ENOX1: variants seen among roughly 807,000 people sequenced by gnomAD.
ENOX1 encodes the protein candidate growth-related and time keeping constitutive hydroquinone (NADH) oxidase.
ENOX1 carries 42 observed loss-of-function variants against 82.5 expected under a neutral mutation model. That is an observed-to-expected ratio of 0.51 (90% confidence interval 0.40 to 0.66). The LOEUF (loss-of-function observed/expected upper bound fraction) is 0.66, where lower values mean the gene tolerates loss of function less well. Among genes scored for constraint, ENOX1 ranks in the 30% least tolerant of loss-of-function variants. The pLI, the probability that ENOX1 is intolerant of heterozygous loss-of-function variation, is 0.00. For synonymous variants in ENOX1, 271 were observed against 282.2 expected, an observed-to-expected ratio of 0.96 and a Z score of 0.40; for missense variants, 608 against 811.6, an observed-to-expected ratio of 0.75 and a Z score of 3.05.
chr13:43,514,532 G>A (rs73182306), intron 2 of ENOX1, among the ~76,000 whole-genome samples: 146 of 152,186 alleles, frequency 9.6e-4, no homozygotes, highest in Non-Finnish European at 1.7e-3. Flanking sequence ...GAATGATGAA[G>A]ATGCTTGGCC....
At chr13:43,451,656 T>C (rs1434416412) in intron 3 of ENOX1, among the ~76,000 whole-genome samples, 1 of 152,248 alleles carries the variant, frequency 6.6e-6, no homozygotes, top group Admixed American at 6.5e-5. Context: ...TACATGTACA[T>C]GGTAAGATAT....
Position 43,365,760 on chromosome 13 carries a change from C to T in ENOX1, c.209-4308G>A, listed in dbSNP as rs924787412. On this transcript the variant is annotated intron_variant, in intron 5 of 16. Transcript: ENST00000690772. ...ATCAGATACGGAGCACAGGTCACAG[C>T]CTGACCAGCATAAAGCCTGCTTGGA... Among the ~76,000 whole-genome samples the T allele has an allele frequency of 2.0e-5, 3 of 152,198 alleles. No individual in the cohort carries two copies. The South Asian group carries it at 6.2e-4, about 32-fold the overall frequency.
intron 3 of ENOX1, among the ~76,000 whole-genome samples, chr13:43,477,922 AT>A (rs2058352588): frequency 6.6e-6 from 1 of 152,100 alleles, no homozygotes; most frequent in Non-Finnish European, 1.5e-5. Flanking sequence ...GCCAATAAAC[AT>A]TTTCAAACAT....
chr13:43,234,660 C>T (rs1261880564), intron 15 of ENOX1, among the ~76,000 whole-genome samples: 1 of 152,138 alleles, frequency 6.6e-6, no homozygotes, highest in Non-Finnish European at 1.5e-5. Context: ...TTCTAACACA[C>T]TTGATTTAAC....
chr13:43,557,214 A>G (rs886841514), intron 2 of ENOX1, among the ~76,000 whole-genome samples: 15 of 152,244 alleles, frequency 9.9e-5, no homozygotes, highest in African/African-American at 3.6e-4. Context: ...TCCAAGTCCA[A>G]GACCATTTGG....
At position 43,758,373 on chromosome 13, in the gene ENOX1, G is replaced by A. The variant is rs183853977; in HGVS notation, c.-285+28279C>T. Among the ~76,000 whole-genome samples the A allele has an allele frequency of 1.7e-3, 263 of 152,140 alleles. 1 individual carries two copies. The highest frequency in any genetic ancestry group is 0.014 in the East Asian group (73 of 5,176). The stretch of plus-strand genomic sequence containing the variant: ...TAGTTATGCTGAGAGGAAAAAAAAA[G>A]ACAATCTCGAAAGGCTGAACACTGT... On this transcript the variant is annotated intron_variant, in intron 1 of 16. Transcript: ENST00000690772.
At chr13:43,250,091 A>T (rs549412238) in intron 14 of ENOX1, among the ~76,000 whole-genome samples, 1 of 152,348 alleles carries the variant, frequency 6.6e-6, no homozygotes, top group African/African-American at 2.4e-5. Flanking sequence ...CTGAGGCACA[A>T]GTATGCCTCG....
intron 1 of ENOX1, among the ~76,000 whole-genome samples, chr13:43,707,154 T>C (rs2087349746): frequency 6.6e-6 from 1 of 152,016 alleles, no homozygotes; most frequent in Non-Finnish European, 1.5e-5. Context: ...AAAACGATAC[T>C]ATTAAAAATT....
At chr13:43,407,344 G>C (rs2053859796) in intron 5 of ENOX1, among the ~76,000 whole-genome samples, 1 of 152,164 alleles carries the variant, frequency 6.6e-6, no homozygotes, top group Non-Finnish European at 1.5e-5. Context: ...ATCATATGAG[G>C]CATAGAAGGA....
intron 1 of ENOX1, among the ~76,000 whole-genome samples, chr13:43,721,827 G>A (rs1054613722): frequency 1.3e-5 from 2 of 152,072 alleles, no homozygotes; most frequent in Admixed American, 6.6e-5. Flanking sequence ...TTCATGCATG[G>A]CTCTCTAACT....
chr13:43,438,281 G>A (rs1394030185), intron 3 of ENOX1, among the ~76,000 whole-genome samples: 1 of 152,190 alleles, frequency 6.6e-6, no homozygotes, highest in African/African-American at 2.4e-5. Context: ...ACAAGCCTGA[G>A]GAGGGTAAAT....
chr13:43,378,908 T>C (rs2051830556), intron 5 of ENOX1, among the ~76,000 whole-genome samples: 1 of 152,200 alleles, frequency 6.6e-6, no homozygotes, highest in Admixed American at 6.5e-5. Context: ...TGACAGATTA[T>C]TCTGGATTAT....
At chr13:43,383,401 T>A (rs2052197254) in intron 5 of ENOX1, among the ~76,000 whole-genome samples, 1 of 152,168 alleles carries the variant, frequency 6.6e-6, no homozygotes, top group Non-Finnish European at 1.5e-5. Flanking sequence ...GCTGTTTATA[T>A]TTCAGATTAA....
intron 1 of ENOX1, among the ~76,000 whole-genome samples, chr13:43,785,904 G>T (rs1047726526): frequency 2.0e-5 from 3 of 152,132 alleles, no homozygotes; most frequent in African/African-American, 7.2e-5. Flanking sequence ...AGGCTCGCAC[G>T]TGTCGGGTCC....
chr13:43,322,812 A>C (rs1020159144), intron 10 of ENOX1, among the ~76,000 whole-genome samples: 6 of 152,222 alleles, frequency 3.9e-5, no homozygotes, highest in African/African-American at 9.6e-5. Flanking sequence ...TGCAAAGATT[A>C]CATAGAAATA....
At chr13:43,407,844 T>C (rs9533478) in intron 5 of ENOX1, among the ~76,000 whole-genome samples, 33,416 of 152,022 alleles carry the variant, frequency 0.22, 4,614 homozygotes, top group East Asian at 0.52. Flanking sequence ...ATGCACAAAG[T>C]ATTGACAACA....
At chr13:43,338,171 T>C (rs990535892) in intron 9 of ENOX1, among the ~76,000 whole-genome samples, 2 of 152,192 alleles carry the variant, frequency 1.3e-5, no homozygotes, top group African/African-American at 2.4e-5. Context: ...AAACTTATCA[T>C]CTTGGCATGC....
chr13:43,627,996 C>T (rs2083039908), intron 2 of ENOX1, among the ~76,000 whole-genome samples: 1 of 151,916 alleles, frequency 6.6e-6, no homozygotes, highest in Admixed American at 6.6e-5. Context: ...TTGATTTTTC[C>T]TGTGTCATTT....
chr13:43,272,570 C>T (rs1194232004), intron 12 of ENOX1, among the ~76,000 whole-genome samples: 2 of 152,032 alleles, frequency 1.3e-5, no homozygotes, highest in African/African-American at 4.8e-5. Flanking sequence ...TCTTTGATTC[C>T]CTGTGATTTT....
Sources: gnomAD v4.1 joint callset for allele counts (sites outside exome capture counted in the v4.1 genomes callset) on GRCh38, gnomAD v4.1.1 for gene constraint, MANE v1.5 for transcripts, NCBI Gene and HGNC (gene_info 2026-07-23, HGNC 2026-07-21) for gene names.